TBC1D8: variants seen among roughly 807,000 people sequenced by gnomAD.
The protein encoded by TBC1D8 is BUB2-like protein 1.
TBC1D8 carries 65 observed loss-of-function variants against 118.8 expected under a neutral mutation model. That is an observed-to-expected ratio of 0.55 (90% CI 0.45 to 0.67). The LOEUF (loss-of-function observed/expected upper bound fraction) is 0.67, where lower values mean the gene tolerates loss of function less well. TBC1D8 is among the 30% of genes least tolerant of loss of function. The pLI, the probability that TBC1D8 is intolerant of heterozygous loss-of-function variation, is 0.00. For missense variants in TBC1D8, 1,376 were observed against 1,471.2 expected, an observed-to-expected ratio of 0.94 and a Z score of 1.06; for synonymous variants, 566 against 595.8, an observed-to-expected ratio of 0.95 and a Z score of 0.73.
chr2:101,144,035 T>A (rs1679224011), intron 1 of TBC1D8, among the ~76,000 whole-genome samples: 1 of 152,250 alleles, frequency 6.6e-6, no homozygotes, highest in African/African-American at 2.4e-5. Context: ...CTGCACAGGC[T>A]CACATCTATC....
intron 2 of TBC1D8, among the ~76,000 whole-genome samples, chr2:101,076,384 A>G (rs1030201497): frequency 4.6e-5 from 7 of 152,260 alleles, no homozygotes; most frequent in Non-Finnish European, 4.4e-5. Flanking sequence ...AACTAATCTT[A>G]GCATCAATAG....
chr2:101,114,243 G>A (rs1677726887), intron 1 of TBC1D8, among the ~76,000 whole-genome samples: 1 of 152,036 alleles, frequency 6.6e-6, no homozygotes, highest in Non-Finnish European at 1.5e-5. Context: ...GATAACAGAG[G>A]CATAAAATTA....
At chr2:101,066,416 A>T (rs1683017576) in intron 2 of TBC1D8, among the ~76,000 whole-genome samples, 1 of 152,206 alleles carries the variant, frequency 6.6e-6, no homozygotes, top group Admixed American at 6.5e-5. Context: ...AGGAATGAGA[A>T]ATATGGTATT....
At chr2:101,130,502 G>A (rs1158173851) in intron 1 of TBC1D8, among the ~76,000 whole-genome samples, 1 of 152,202 alleles carries the variant, frequency 6.6e-6, no homozygotes, top group African/African-American at 2.4e-5. Flanking sequence ...AGCCAACACA[G>A]GCAGGAACCT....
intron 4 of TBC1D8, among the ~76,000 whole-genome samples, chr2:101,053,900 A>G (rs1682219952): frequency 6.6e-6 from 1 of 152,260 alleles, no homozygotes; most frequent in Non-Finnish European, 1.5e-5. Context: ...ACTATACAGG[A>G]TGTTTCTTGA....
intron 1 of TBC1D8, among the ~76,000 whole-genome samples, chr2:101,142,648 A>T (rs941721267): frequency 6.6e-6 from 1 of 152,258 alleles, no homozygotes; most frequent in African/African-American, 2.4e-5. Context: ...TGGGGTGATC[A>T]AGTGACAGAA....
At chr2:101,129,242 G>A (rs911095036) in intron 1 of TBC1D8, among the ~76,000 whole-genome samples, 1 of 152,100 alleles carries the variant, frequency 6.6e-6, no homozygotes, top group African/African-American at 2.4e-5. Context: ...CCAGATTCAG[G>A]AAATTCTCAT....
At chr2:101,009,060 A>G (rs1312653213) in intron 19 of TBC1D8, among the ~76,000 whole-genome samples, 1 of 152,170 alleles carries the variant, frequency 6.6e-6, no homozygotes, top group African/African-American at 2.4e-5. Context: ...CAGGTGCTTC[A>G]GGTGGAATCT....
At chr2:101,083,659 CT>C (rs1307863801) in intron 2 of TBC1D8, among the ~76,000 whole-genome samples, 2 of 152,184 alleles carry the variant, frequency 1.3e-5, no homozygotes, top group Non-Finnish European at 2.9e-5. Flanking sequence ...AAAGGCCCTC[CT>C]ATGTCTCCCC....
chr2:101,119,262 C>T (rs1052923514), intron 1 of TBC1D8, among the ~76,000 whole-genome samples: 29 of 152,226 alleles, frequency 1.9e-4, no homozygotes, highest in Admixed American at 1.8e-3. Context: ...TCCCCCTGGC[C>T]CTCCATGTCT....
intron 3 of TBC1D8, 131 bp downstream of exon 3, chr2:101,059,290 C>A: frequency 3.4e-5 from 17 of 499,038 alleles, no homozygotes; most frequent in Non-Finnish European, 4.7e-5. Flanking sequence ...ATAAATGAAA[C>A]TTATTTGGCA....
chr2:101,131,888 T>G (rs1406584500), intron 1 of TBC1D8, among the ~76,000 whole-genome samples: 1 of 152,190 alleles, frequency 6.6e-6, no homozygotes, highest in African/African-American at 2.4e-5. Context: ...AGTTTCAGAC[T>G]TACAATAAAG....
chr2:101,103,873 T>G (rs893955952), intron 1 of TBC1D8, among the ~76,000 whole-genome samples: 1 of 151,864 alleles, frequency 6.6e-6, no homozygotes, highest in Non-Finnish European at 1.5e-5. Flanking sequence ...AAATAAAAGA[T>G]ATATATATAG....
At chr2:101,149,763 C>T (rs1340333328) in intron 1 of TBC1D8, among the ~76,000 whole-genome samples, 10 of 152,184 alleles carry the variant, frequency 6.6e-5, no homozygotes. Context: ...CACCAGGGTG[C>T]GTCACGGGGC....
At chr2:101,081,862 G>T (rs953007873) in intron 2 of TBC1D8, among the ~76,000 whole-genome samples, 2 of 152,232 alleles carry the variant, frequency 1.3e-5, no homozygotes, top group Non-Finnish European at 2.9e-5. Context: ...TGTGTACCCA[G>T]GTGTGGTGGC....
intron 2 of TBC1D8, among the ~76,000 whole-genome samples, chr2:101,082,646 G>C (rs550640443): frequency 6.6e-6 from 1 of 152,340 alleles, no homozygotes; most frequent in South Asian, 2.1e-4. Flanking sequence ...CTTGAAGATA[G>C]GATGCTGACT....
chr2:101,093,764 C>T (rs1213813150), intron 1 of TBC1D8, among the ~76,000 whole-genome samples: 2 of 149,330 alleles, frequency 1.3e-5, no homozygotes, highest in East Asian at 2.2e-4. Flanking sequence ...GGTTGGAGTG[C>T]GGTGGCACAA....
intron 1 of TBC1D8, among the ~76,000 whole-genome samples, chr2:101,119,414 T>C (rs1268394147): frequency 6.6e-6 from 1 of 152,164 alleles, no homozygotes; most frequent in Non-Finnish European, 1.5e-5. Context: ...CCACCCTAAG[T>C]GTCCCATCTC....
At chr2:101,067,452 G>A (rs190876258) in intron 2 of TBC1D8, among the ~76,000 whole-genome samples, 134 of 152,294 alleles carry the variant, frequency 8.8e-4, no homozygotes, top group Non-Finnish European at 1.7e-3. Flanking sequence ...AGACCACCAC[G>A]ATAAAGCAAG....
Sources: allele counts gnomAD v4.1 joint callset (sites outside exome capture counted in the v4.1 genomes callset), GRCh38; gene constraint gnomAD v4.1.1; transcripts MANE v1.5; gene names NCBI Gene and HGNC (gene_info 2026-07-23, HGNC 2026-07-21).